Variants in COL21A1 observed in about 807,000 individuals in gnomAD.
COL21A1 encodes collagen alpha-1(XXI) chain.
A neutral mutation model predicts 137.9 loss-of-function variants in COL21A1; 149 were observed. The ratio of observed to expected loss-of-function variants is 1.08; its 90% CI spans 0.95 to 1.24. COL21A1 has a LOEUF of 1.24. Ranked by LOEUF, COL21A1 falls within the 50% of genes most tolerant of loss-of-function variation. The probability of loss-of-function intolerance (pLI) is 0.00; values close to 1 mark genes in which losing one functional copy is unlikely to be tolerated. For missense variants in COL21A1, 1,167 were observed against 1,158.4 expected (o/e 1.01, Z -0.11); for synonymous variants, 456 against 391.5 (o/e 1.16, Z -1.95).
At chr6:56,068,879 CAGCTATT>C (rs1766489147) in intron 22 of COL21A1, 160 bp downstream of exon 22, 2 of 541,590 alleles carry the variant, frequency 3.7e-6, no homozygotes, top group African/African-American at 4.0e-5. Flanking sequence ...AAAGATGCCA[CAGCTATT>C]AGCATGGGGC....
chr6:56,369,697 T>C (rs1766186385), intron 1 of COL21A1, among the ~76,000 whole-genome samples: 1 of 152,182 alleles, frequency 6.6e-6, no homozygotes, highest in African/African-American at 2.4e-5. Context: ...GTCTCCATCA[T>C]AGAAATATGG....
intron 1 of COL21A1, among the ~76,000 whole-genome samples, chr6:56,200,109 C>T (rs544210557): frequency 1.3e-5 from 2 of 152,194 alleles, no homozygotes; most frequent in South Asian, 4.1e-4. Flanking sequence ...GATTTCCATT[C>T]CATTGATGGA....
chr6:56,361,412 T>C (rs1581774185), intron 1 of COL21A1, among the ~76,000 whole-genome samples: 1 of 152,176 alleles, frequency 6.6e-6, no homozygotes, highest in East Asian at 1.9e-4. Flanking sequence ...ATAAACATTA[T>C]TGGAAAACAA....
intron 1 of COL21A1, among the ~76,000 whole-genome samples, chr6:56,299,981 A>G (rs1208470168): frequency 6.6e-6 from 1 of 152,146 alleles, no homozygotes; most frequent in Non-Finnish European, 1.5e-5. Context: ...CTGTTTTCTA[A>G]AATATGAATT....
chr6:56,298,194 C>T (rs889007589), intron 1 of COL21A1, among the ~76,000 whole-genome samples: 1 of 151,786 alleles, frequency 6.6e-6, no homozygotes, highest in Admixed American at 6.6e-5. Flanking sequence ...GGGAATACTC[C>T]GGAAGATGTG....
intron 10 of COL21A1, among the ~76,000 whole-genome samples, chr6:56,149,855 C>T (rs895608684): frequency 1.2e-4 from 19 of 152,144 alleles, no homozygotes; most frequent in East Asian, 1.9e-4. Flanking sequence ...TCTGTGTTTG[C>T]GCTCATCTTC....
chr6:56,367,694 C>T (rs1464015237), intron 1 of COL21A1, among the ~76,000 whole-genome samples: 1 of 152,110 alleles, frequency 6.6e-6, no homozygotes, highest in Admixed American at 6.6e-5. Context: ...TAAGCTAATT[C>T]ATCTAGTTTT....
At chr6:56,385,109 C>T (rs1401559401) in intron 1 of COL21A1, among the ~76,000 whole-genome samples, 11 of 152,132 alleles carry the variant, frequency 7.2e-5, no homozygotes, top group Non-Finnish European at 1.2e-4. Flanking sequence ...ACAGGAGTGA[C>T]GTGTTAGACT....
chr6:56,364,034 G>A (rs1390401197), intron 1 of COL21A1, among the ~76,000 whole-genome samples: 4 of 152,186 alleles, frequency 2.6e-5, no homozygotes, highest in African/African-American at 9.7e-5. Flanking sequence ...TTGGAAAGCT[G>A]CCAAGATAAG....
At chr6:56,357,470 C>T (rs1180356418) in intron 1 of COL21A1, among the ~76,000 whole-genome samples, 9 of 152,146 alleles carry the variant, frequency 5.9e-5, no homozygotes, top group East Asian at 3.9e-4. Context: ...CAAGACACTA[C>T]ACAATGTGTG....
intron 16 of COL21A1, among the ~76,000 whole-genome samples, chr6:56,109,126 G>T (rs1484390984): frequency 2.0e-5 from 3 of 151,226 alleles, no homozygotes. Context: ...AACAAAAAAC[G>T]AATGTAAATG....
intron 1 of COL21A1, among the ~76,000 whole-genome samples, chr6:56,260,375 G>A (rs368396584): frequency 1.3e-5 from 2 of 151,802 alleles, no homozygotes; most frequent in African/African-American, 2.4e-5. Flanking sequence ...CTGAGGTCAG[G>A]AGTTTGGGAC....
In COL21A1 at chr6:56,120,252, C is replaced by A. The variant is rs149854002; in HGVS notation, c.1758+3810G>T. Among the ~76,000 whole-genome samples the A allele has an allele frequency of 8.4e-3, 1,277 of 152,190 alleles. 9 individuals are homozygous for A. The highest frequency in any genetic ancestry group is 0.017 in the Middle Eastern group (5 of 292). On this transcript the variant is annotated intron_variant, in intron 16 of 29. Coordinates refer to ENST00000244728, the MANE Select transcript of COL21A1 (RefSeq NM_030820.4). ...AAGATGGGCAAAATATTTGAATAGA[C>A]ATTACTCAAAAGAAGACATACAAAT...
chr6:56,291,904 G>C (rs1764055638), intron 1 of COL21A1, among the ~76,000 whole-genome samples: 1 of 152,030 alleles, frequency 6.6e-6, no homozygotes, highest in Non-Finnish European at 1.5e-5. Flanking sequence ...GCCGGGTGTG[G>C]TGCCTGTAAT....
chr6:56,383,321 T>G (rs1249686503), intron 1 of COL21A1, among the ~76,000 whole-genome samples: 1 of 152,138 alleles, frequency 6.6e-6, no homozygotes, highest in Non-Finnish European at 1.5e-5. Context: ...CATGACCTAA[T>G]TACCTCCCCA....
At position 56,318,919 on chromosome 6, in the gene COL21A1, C is replaced by T. The variant is rs1236530433; in HGVS notation, c.-39+75052G>A. ...AAAATTCCTTCCTACCCCACCTCCCCCCAAACACACACACACACACACACA... is the reference window on the plus strand; with the variant it reads ...AAAATTCCTTCCTACCCCACCTCCCTCCAAACACACACACACACACACACA... On this transcript the variant is annotated intron_variant, in intron 1 of 28. Transcript: ENST00000370819. 1.1e-4 allele frequency among the ~76,000 whole-genome samples: 13 copies of T among 116,816 alleles called. No individual in the cohort carries two copies. The East Asian group carries it at 4.3e-3, about 39-fold the overall frequency. 76.6% of individuals were successfully genotyped at this position (116,816 alleles called of 152,430 possible).
intron 1 of COL21A1, among the ~76,000 whole-genome samples, chr6:56,302,347 A>T (rs1235292694): frequency 3.9e-5 from 6 of 152,168 alleles, no homozygotes; most frequent in African/African-American, 1.4e-4. Flanking sequence ...TCCCACCAAC[A>T]GTGTAAAAGT....
At chr6:56,224,816 T>C (rs181214433) in intron 1 of COL21A1, among the ~76,000 whole-genome samples, 1 of 152,132 alleles carries the variant, frequency 6.6e-6, no homozygotes, top group East Asian at 1.9e-4. Flanking sequence ...AATATTATAG[T>C]TAAATTAAAC....
intron 1 of COL21A1, among the ~76,000 whole-genome samples, chr6:56,199,065 C>CAGAGACAGAGGT (rs1278558278): frequency 6.6e-6 from 1 of 152,050 alleles, no homozygotes; most frequent in Non-Finnish European, 1.5e-5. Context: ...AATGCTACCA[C>CAGAGACAGAGGT]AGAGACAGAG....
Sources: gnomAD v4.1 joint callset for allele counts (sites outside exome capture counted in the v4.1 genomes callset) on GRCh38, gnomAD v4.1.1 for gene constraint, MANE v1.5 for transcripts, NCBI Gene and HGNC (gene_info 2026-07-23, HGNC 2026-07-21) for gene names.